GPC3: variants seen among roughly 807,000 people sequenced by gnomAD.
The protein encoded by GPC3 is glypican-3.
Under a neutral mutation model 34.4 loss-of-function variants are expected in GPC3, and 3 were observed. The observed-to-expected ratio is 0.09, with a 90% confidence interval of 0.04 to 0.23. The LOEUF (loss-of-function observed/expected upper bound fraction) is 0.23, where lower values mean the gene tolerates loss of function less well. GPC3 is among the 10% of genes least tolerant of loss of function. The pLI, the probability that GPC3 is intolerant of heterozygous loss-of-function variation, is 1.00. For missense variants in GPC3, 351 were observed against 445.6 expected (o/e 0.79, Z 1.91); for synonymous variants, 177 against 174.0 (o/e 1.02, Z -0.13).
At chrX:133,750,375 A>C (rs1248079287) in intron 3 of GPC3, among the ~76,000 whole-genome samples, 1 of 112,051 alleles carries the variant, frequency 8.9e-6, no homozygotes, top group Non-Finnish European at 1.9e-5. Flanking sequence ...TATTATGGAG[A>C]AAGTATTACA....
chrX:133,935,032 A>G (rs2076317415), intron 2 of GPC3, among the ~76,000 whole-genome samples: 1 of 111,763 alleles, frequency 8.9e-6, no homozygotes, highest in Non-Finnish European at 1.9e-5. Flanking sequence ...GCTTTAGCAC[A>G]TGAAAGTTAA....
At chrX:133,550,182 AT>A in intron 7 of GPC3, among the ~76,000 whole-genome samples, 1 of 109,247 alleles carries the variant, frequency 9.2e-6, no homozygotes, top group East Asian at 2.9e-4. Context: ...TGCCAGGCTA[AT>A]TTTGTATTTT....
chrX:133,808,682 C>T (rs1398378930), intron 2 of GPC3, among the ~76,000 whole-genome samples: 2 of 110,443 alleles, frequency 1.8e-5, no homozygotes, highest in African/African-American at 6.6e-5. Flanking sequence ...GATACCACAT[C>T]TTCATGAGAT....
intron 5 of GPC3, among the ~76,000 whole-genome samples, chrX:133,675,449 G>A (rs185384743): frequency 1.1e-4 from 12 of 111,353 alleles, no homozygotes; most frequent in African/African-American, 3.9e-4. Flanking sequence ...ACTTCCTCTT[G>A]CCAGCTGTGT....
chrX:133,583,712 C>G (rs755242220), intron 7 of GPC3, among the ~76,000 whole-genome samples: 1 of 112,110 alleles, frequency 8.9e-6, no homozygotes, highest in Non-Finnish European at 1.9e-5. Flanking sequence ...AGTCAGGAAG[C>G]TGATTGTTTC....
intron 5 of GPC3, among the ~76,000 whole-genome samples, chrX:133,683,191 T>C (rs1313116576): frequency 2.7e-5 from 3 of 111,319 alleles, no homozygotes; most frequent in Non-Finnish European, 5.7e-5. Context: ...GAAAAATTAT[T>C]TGGAAGACTG....
At chrX:133,902,592 G>A (rs1569452603) in intron 2 of GPC3, among the ~76,000 whole-genome samples, 1 of 111,394 alleles carries the variant, frequency 9.0e-6, no homozygotes, top group Non-Finnish European at 1.9e-5. Flanking sequence ...GCGTGGTGGT[G>A]CACACCTGTA....
chrX:133,618,892 T>C (rs1484756080), intron 6 of GPC3, among the ~76,000 whole-genome samples: 1 of 110,916 alleles, frequency 9.0e-6, no homozygotes, highest in African/African-American at 3.3e-5. Context: ...CATCAAAAAG[T>C]GGAATGATGA....
At chrX:133,907,132 C>T (rs189208593) in intron 2 of GPC3, among the ~76,000 whole-genome samples, 36 of 110,471 alleles carry the variant, frequency 3.3e-4, no homozygotes, top group Admixed American at 1.2e-3. Flanking sequence ...GTCTTTTATT[C>T]GTGAGATTCC....
chrX:133,892,330 T>G (rs1276022092), intron 2 of GPC3, among the ~76,000 whole-genome samples: 6 of 111,839 alleles, frequency 5.4e-5, no homozygotes. Flanking sequence ...TCGTTTCAAA[T>G]GCTGTAATGA....
At chrX:133,907,374 C>A (rs1451625649) in intron 2 of GPC3, among the ~76,000 whole-genome samples, 1 of 110,294 alleles carries the variant, frequency 9.1e-6, no homozygotes, top group East Asian at 2.8e-4. Flanking sequence ...AGGTTTATTT[C>A]TAGACACAAT....
At chrX:133,650,177 A>G (rs768002678) in intron 6 of GPC3, among the ~76,000 whole-genome samples, 3 of 111,864 alleles carry the variant, frequency 2.7e-5, no homozygotes, top group Non-Finnish European at 3.8e-5. Context: ...TTTTAAATAT[A>G]GGAACCTCTC....
At chrX:133,867,449 C>T (rs1238293057) in intron 2 of GPC3, among the ~76,000 whole-genome samples, 4 of 110,224 alleles carry the variant, frequency 3.6e-5, no homozygotes, top group East Asian at 2.9e-4. Context: ...ACAAGTCATC[C>T]GCTAGCAGAA....
At chrX:133,810,927 C>T (rs2075662032) in intron 2 of GPC3, among the ~76,000 whole-genome samples, 1 of 108,356 alleles carries the variant, frequency 9.2e-6, no homozygotes, top group African/African-American at 3.4e-5. Context: ...CAGAACCAGG[C>T]ATTACTGGTT....
At chrX:133,867,493 G>C (rs1158855345) in intron 2 of GPC3, among the ~76,000 whole-genome samples, 2 of 110,352 alleles carry the variant, frequency 1.8e-5, no homozygotes, top group Non-Finnish European at 3.8e-5. Context: ...AAGCAGAGCA[G>C]TCTTTGGCAT....
chrX:133,854,040 G>A (rs761888462), intron 2 of GPC3, among the ~76,000 whole-genome samples: 6 of 111,531 alleles, frequency 5.4e-5, no homozygotes, highest in Non-Finnish European at 1.9e-5. Context: ...GCTCTAGATG[G>A]CATATTTTTT....
At chrX:133,844,977 G>C (rs375041661) in intron 2 of GPC3, among the ~76,000 whole-genome samples, 1 of 111,782 alleles carries the variant, frequency 8.9e-6, no homozygotes, top group East Asian at 2.8e-4. Flanking sequence ...GAGGGTCCCA[G>C]TTCAGAAGAC....
chrX:133,906,949 A>C (rs1345704655), intron 2 of GPC3, among the ~76,000 whole-genome samples: 1 of 110,446 alleles, frequency 9.1e-6, no homozygotes, highest in African/African-American at 3.3e-5. Context: ...AAATACAAAA[A>C]AATTAGCTGG....
intron 3 of GPC3, among the ~76,000 whole-genome samples, chrX:133,728,507 G>T (rs2071433815): frequency 8.9e-6 from 1 of 112,297 alleles, no homozygotes; most frequent in Non-Finnish European, 1.9e-5. Context: ...ACAAAGTGTT[G>T]ATTTAGAACA....
Sources: gnomAD v4.1 joint callset for allele counts (sites outside exome capture counted in the v4.1 genomes callset) on GRCh38, gnomAD v4.1.1 for gene constraint, MANE v1.5 for transcripts, NCBI Gene and HGNC (gene_info 2026-07-23, HGNC 2026-07-21) for gene names.